KCNQ4: variants seen among roughly 807,000 people sequenced by gnomAD.
KCNQ4 encodes potassium voltage-gated channel subfamily KQT member 4.
KCNQ4 carries 31 observed loss-of-function variants against 72.6 expected under a neutral mutation model. The ratio of observed to expected loss-of-function variants is 0.43; its 90% confidence interval spans 0.32 to 0.58. KCNQ4 has a LOEUF of 0.58. KCNQ4 is among the 20% of genes least tolerant of loss of function. KCNQ4 has a pLI of 0.08. For synonymous variants in KCNQ4, 405 were observed against 403.7 expected (o/e 1.00, Z -0.04); for missense variants, 869 against 962.6 (o/e 0.90, Z 1.29).
chr1:40,815,164 C>T (rs59338196), intron 1 of KCNQ4, among the ~76,000 whole-genome samples: 10 of 148,508 alleles, frequency 6.7e-5, no homozygotes, highest in East Asian at 4.0e-4. Context: ...CGCTTGAACC[C>T]GGGAGGCGGA....
chr1:40,828,770 C>T (rs764006194), intron 9 of KCNQ4, among the ~76,000 whole-genome samples: 12 of 152,218 alleles, frequency 7.9e-5, no homozygotes, highest in Non-Finnish European at 1.5e-4. Flanking sequence ...AGGTTTTCTT[C>T]CACCTTCTTT....
At position 40,837,810 on chromosome 1, in the gene KCNQ4, G is replaced by A. The variant is rs1648849820; in HGVS notation, c.1875+16G>A. 2 of 1,600,824 alleles carry A rather than the reference G, an allele frequency of 1.2e-6. No homozygotes were observed. The highest frequency in any genetic ancestry group is 2.3e-5 in the South Asian group (2 of 88,688). The stretch of plus-strand genomic sequence containing the variant: ...GGAGAAGCAGGTGAGTGTAGGATGG[G>A]GTGGCGGAGCTGGCCATACCAAGAA... On this transcript the variant is annotated intron_variant, in intron 13 of 13. Transcript: ENST00000347132.
chr1:40,830,600 C>T (rs956902291), intron 9 of KCNQ4, among the ~76,000 whole-genome samples: 8 of 152,066 alleles, frequency 5.3e-5, no homozygotes, highest in South Asian at 2.1e-4. Context: ...CACACACCCT[C>T]GACTCCACAC....
chr1:40,834,569 A>ACC (rs139162489), intron 11 of KCNQ4, among the ~76,000 whole-genome samples: 1 of 149,674 alleles, frequency 6.7e-6, no homozygotes, highest in African/African-American at 2.5e-5. Context: ...GCATAGTGGG[A>ACC]CCCCCATCTC....
intron 1 of KCNQ4, among the ~76,000 whole-genome samples, chr1:40,816,226 C>T (rs918504622): frequency 6.6e-6 from 1 of 152,124 alleles, no homozygotes. Context: ...AAGCCTGTTC[C>T]CTCCGGAGTC....
intron 1 of KCNQ4, among the ~76,000 whole-genome samples, chr1:40,787,322 T>C (rs549341746): frequency 6.6e-6 from 1 of 152,198 alleles, no homozygotes; most frequent in African/African-American, 2.4e-5. Flanking sequence ...TGAACTGTGA[T>C]TGCACCACTG....
At chr1:40,806,762 G>T (rs922868001) in intron 1 of KCNQ4, among the ~76,000 whole-genome samples, 4 of 152,204 alleles carry the variant, frequency 2.6e-5, no homozygotes, top group African/African-American at 9.7e-5. Context: ...GAGAGCAGGG[G>T]GATGAGGTTC....
At chr1:40,803,022 C>G (rs1415068604) in intron 1 of KCNQ4, among the ~76,000 whole-genome samples, 2 of 152,300 alleles carry the variant, frequency 1.3e-5, no homozygotes, top group African/African-American at 4.8e-5. Flanking sequence ...TTGTCCCCTT[C>G]CCCCTATCTC....
intron 11 of KCNQ4, 28 bp downstream of exon 11, chr1:40,833,141 C>A: frequency 6.4e-7 from 1 of 1,551,326 alleles, no homozygotes. Context: ...GGCGAGCACC[C>A]CCCTCCGTGT....
In KCNQ4 at chr1:40,817,230, A is replaced by G. The variant is rs1269602841; in HGVS notation, c.315-35A>G. 4 of 1,584,890 alleles carry G rather than the reference A, an allele frequency of 2.5e-6. No homozygotes were observed. Among genetic ancestry groups the G allele is most frequent in the African/African-American group, 2.7e-5 (2 of 74,540 alleles). ...GCACCTTGGCTGTCCTGTCCCTCCA[A>G]CAATCTAACCCTCTCCCTCATGTTG... is the stretch of plus-strand genomic sequence containing the variant. On this transcript the variant is annotated intron_variant, in intron 1 of 13. Coordinates refer to ENST00000347132, the MANE Select transcript of KCNQ4 (RefSeq NM_004700.4). This position sits in a 1 kb window ranked among gnomAD's most constrained non-coding sequence, Gnocchi z 5.5.
intron 1 of KCNQ4, among the ~76,000 whole-genome samples, chr1:40,802,905 C>T (rs1330533260): frequency 6.6e-6 from 1 of 152,156 alleles, no homozygotes; most frequent in Admixed American, 6.5e-5. Flanking sequence ...GTCACACAGC[C>T]AAGGCAGAGC....
chr1:40,822,388 C>T lies in KCNQ4; in HGVS notation c.1116C>T (p.Ile372=). 6.2e-7 allele frequency: 1 copy of T among 1,610,276 alleles called. No homozygotes were observed. Among genetic ancestry groups the T allele is most frequent in the South Asian group, 1.1e-5 (1 of 90,950 alleles). The part of the protein sequence containing the change: ...LTATWYYYDS[I]LPSFRELALL... Reference sequence around the variant, plus strand: ...CCACCTGGTACTACTATGACAGTATCCTCCCATCCTTCAGGTAGGTCCTGC... The same window carrying T: ...CCACCTGGTACTACTATGACAGTATTCTCCCATCCTTCAGGTAGGTCCTGC... The change falls in exon 8 of 14, where the codon ATC becomes ATT. Residue 372 remains isoleucine (I), a synonymous_variant. Coordinates refer to ENST00000347132, the MANE Select transcript of KCNQ4 (RefSeq NM_004700.4).
chr1:40,814,035 C>G (rs1476510137), intron 1 of KCNQ4, among the ~76,000 whole-genome samples: 2 of 144,836 alleles, frequency 1.4e-5, no homozygotes, highest in East Asian at 4.0e-4. Flanking sequence ...GCGTGAGCCA[C>G]TGCGCCCGGC....
chr1:40,789,715 C>T (rs12723678), intron 1 of KCNQ4, among the ~76,000 whole-genome samples: 17,449 of 152,202 alleles, frequency 0.11, 1,115 homozygotes, highest in African/African-American at 0.14. Flanking sequence ...CTATTGCTGC[C>T]GAAGCCCTTA....
At chr1:40,802,464 C>T (rs1308623305) in intron 1 of KCNQ4, among the ~76,000 whole-genome samples, 1 of 152,106 alleles carries the variant, frequency 6.6e-6, no homozygotes, top group African/African-American at 2.4e-5. Flanking sequence ...CTCCCGCTCT[C>T]GGGGCCTGGC....
intron 11 of KCNQ4, among the ~76,000 whole-genome samples, chr1:40,833,413 A>G (rs1648716112): frequency 6.6e-6 from 1 of 152,168 alleles, no homozygotes; most frequent in Non-Finnish European, 1.5e-5. Flanking sequence ...TGTATAAAAA[A>G]AAAAAATGTA....
intron 8 of KCNQ4, among the ~76,000 whole-genome samples, chr1:40,823,800 G>A (rs1648379635): frequency 6.6e-6 from 1 of 152,232 alleles, no homozygotes. Flanking sequence ...TCTCTGAGGA[G>A]GCACGGCACG....
At chr1:40,829,217 CAGG>C (rs1324881360) in intron 9 of KCNQ4, among the ~76,000 whole-genome samples, 1 of 152,196 alleles carries the variant, frequency 6.6e-6, no homozygotes, top group Non-Finnish European at 1.5e-5. Context: ...GAGTGGAGGA[CAGG>C]AGAAGGGGTT....
intron 1 of KCNQ4, among the ~76,000 whole-genome samples, chr1:40,815,437 CT>C (rs1648057536): frequency 6.6e-6 from 1 of 152,102 alleles, no homozygotes; most frequent in Non-Finnish European, 1.5e-5. Flanking sequence ...ATGAGATAAC[CT>C]CATGAAGGAC....
Sources: allele counts gnomAD v4.1 joint callset (sites outside exome capture counted in the v4.1 genomes callset), GRCh38; gene constraint gnomAD v4.1.1; non-coding constraint Gnocchi (gnomAD v3.1); transcripts MANE v1.5; gene names NCBI Gene and HGNC (gene_info 2026-07-23, HGNC 2026-07-21).